The following MTR variants were observed in gnomAD, a reference collection of about 807,000 sequenced individuals.
MTR encodes methionine synthase.
MTR carries 84 observed loss-of-function variants against 154.8 expected under a neutral mutation model. The observed-to-expected ratio is 0.54, with a 90% confidence interval of 0.45 to 0.65. The LOEUF (loss-of-function observed/expected upper bound fraction) is 0.65. MTR is among the 30% of genes least tolerant of loss of function. The pLI is 0.00. For missense variants in MTR, 1,275 were observed against 1,570.2 expected, an observed-to-expected ratio of 0.81 and a Z score of 3.18; for synonymous variants, 554 against 553.9, an observed-to-expected ratio of 1.00 and a Z score of 0.00.
intron 10 of MTR, among the ~76,000 whole-genome samples, chr1:236,826,487 G>T (rs183350548): frequency 5.6e-4 from 85 of 152,222 alleles, no homozygotes; most frequent in Non-Finnish European, 9.7e-4. Context: ...GTAGAGATGA[G>T]GTCTTGCTAT....
At chr1:236,839,347 A>G (rs1663096654) in intron 15 of MTR, among the ~76,000 whole-genome samples, 1 of 151,736 alleles carries the variant, frequency 6.6e-6, no homozygotes, top group East Asian at 1.9e-4. Context: ...ACCCCAGTCA[A>G]CCCAGTAGGA....
At chr1:236,872,668 A>T (rs947971057) in intron 22 of MTR, among the ~76,000 whole-genome samples, 1 of 152,150 alleles carries the variant, frequency 6.6e-6, no homozygotes, top group Non-Finnish European at 1.5e-5. Context: ...TAGTGCTTTC[A>T]TGATAGAGTT....
intron 22 of MTR, among the ~76,000 whole-genome samples, chr1:236,867,903 G>A (rs1352188625): frequency 6.6e-6 from 1 of 152,218 alleles, no homozygotes; most frequent in Non-Finnish European, 1.5e-5. Context: ...GAGCAAGGCT[G>A]AGCAAAGAAA....
In MTR at chr1:236,897,973, C is replaced by T; in HGVS notation, c.*329C>T. 3.4e-6 allele frequency: 1 copy of T among 298,368 alleles called. No homozygotes were observed. The highest frequency in any genetic ancestry group is 6.3e-6 in the Non-Finnish European group (1 of 159,616). The allele number at this position is 298,368 out of a possible 1,614,324, so 18.5% of individuals were successfully genotyped here. ...GTCAACCTGCTTTTTTCTGTTTTTA[C>T]AGTGGAATCTAGGAGGCCACTTAGT... is the stretch of plus-strand genomic sequence containing the variant. On this transcript the variant is annotated 3_prime_UTR_variant, in exon 33 of 33. Transcript: ENST00000366577.
intron 8 of MTR, among the ~76,000 whole-genome samples, chr1:236,823,907 G>A (rs1044615906): frequency 4.2e-5 from 6 of 141,790 alleles, no homozygotes; most frequent in Admixed American, 7.5e-5. Flanking sequence ...CACAGGCAGC[G>A]TCTTTCAGCT....
At chr1:236,801,425 A>G (rs1333295149) in intron 1 of MTR, among the ~76,000 whole-genome samples, 1 of 152,162 alleles carries the variant, frequency 6.6e-6, no homozygotes, top group East Asian at 1.9e-4. Flanking sequence ...GGAGAAAGTC[A>G]CTCAAAATAG....
rs1666920404 is a variant in MTR at position 236,901,628 on chromosome 1, C to T, written c.*3984C>T. On this transcript the variant is annotated 3_prime_UTR_variant, in exon 33 of 33. Transcript: ENST00000366577. ...TCTTACAGTTCAGGAGTCTGGAAGT[C>T]CAAGATCATGGTGCCATCATGGCCG... is the stretch of plus-strand genomic sequence containing the variant. The T allele has an allele frequency of 6.6e-6, 1 of 152,162 alleles. No individual in the cohort carries two copies. Among genetic ancestry groups the T allele is most frequent in the Admixed American group, 6.5e-5 (1 of 15,280 alleles). 9.4% of individuals were successfully genotyped at this position (152,162 alleles called of 1,614,324 possible). A position where few individuals can be genotyped will look rare whatever the true frequency, so the allele number is the denominator to read the frequency against.
At position 236,835,605 on chromosome 1, in the gene MTR, A is replaced by C; in HGVS notation, c.1247A>C (p.Asn416Thr). 6 of 1,611,088 alleles carry C rather than the reference A, an allele frequency of 3.7e-6. No homozygotes were observed. Among genetic ancestry groups the C allele is most frequent in the Non-Finnish European group, 5.1e-6 (6 of 1,179,466 alleles). Reference protein sequence around the residue: ...VEMGAQVLDVNMDDGMLDGPS... With the variant: ...VEMGAQVLDVTMDDGMLDGPS... ...ATGGGAGCCCAGGTGTTGGATGTCA[A>C]CATGGATGATGGCATGCTAGATGGT... is the stretch of plus-strand genomic sequence containing the variant. Residue 416 changes from asparagine to threonine, a missense_variant, in exon 14 of 33, where the codon AAC (asparagine) becomes ACC (threonine). By Grantham distance (65) the Asn-to-Thr change is moderately conservative (BLOSUM62 0). Transcript: ENST00000366577.
At chr1:236,816,049 G>A (rs74146639) in intron 7 of MTR, among the ~76,000 whole-genome samples, 4,202 of 152,246 alleles carry the variant, frequency 0.028, 211 homozygotes, top group African/African-American at 0.094. Flanking sequence ...ACCTCTCTGC[G>A]AGTCCTAAAA....
intron 15 of MTR, among the ~76,000 whole-genome samples, chr1:236,848,469 G>A (rs765248226): frequency 6.6e-6 from 1 of 152,138 alleles, no homozygotes; most frequent in Non-Finnish European, 1.5e-5. Context: ...TGGGCTGTCT[G>A]GTGAAGGGTA....
intron 27 of MTR, 64 bp downstream of exon 27, chr1:236,886,431 C>G (rs1430682845): frequency 6.7e-7 from 1 of 1,488,140 alleles, no homozygotes; most frequent in Non-Finnish European, 9.4e-7. Context: ...TGAGGAAATA[C>G]ATGCATTTAC....
intron 22 of MTR, among the ~76,000 whole-genome samples, chr1:236,867,885 T>G (rs12087359): frequency 4.2e-4 from 64 of 152,332 alleles, no homozygotes; most frequent in African/African-American, 1.5e-3. Flanking sequence ...GAATTGCTTC[T>G]TACGGCTGAG....
At chr1:236,883,717 T>C (rs1043344819) in intron 25 of MTR, among the ~76,000 whole-genome samples, 1 of 152,190 alleles carries the variant, frequency 6.6e-6, no homozygotes, top group Non-Finnish European at 1.5e-5. Context: ...CGATGGCCTT[T>C]TCTGATTGTA....
At chr1:236,804,069 T>C (rs1243882318) in intron 2 of MTR, among the ~76,000 whole-genome samples, 1 of 152,214 alleles carries the variant, frequency 6.6e-6, no homozygotes, top group Non-Finnish European at 1.5e-5. Context: ...TTCTGGAAGC[T>C]GGAAGTCCAC....
intron 24 of MTR, among the ~76,000 whole-genome samples, chr1:236,878,259 G>C (rs1000923731): frequency 6.6e-6 from 1 of 152,120 alleles, no homozygotes; most frequent in South Asian, 2.1e-4. Flanking sequence ...TCCTAGGAGA[G>C]CCACCTTTGC....
rs1422252010 is a variant in MTR at position 236,899,970 on chromosome 1, A to T, written c.*2326A>T. ...TGTAGGGACTTGTACAACATTGTGG[A>T]TGTGTAAACAGGCACCACTGCTTTA... On this transcript the variant is annotated 3_prime_UTR_variant, in exon 33 of 33. Transcript: ENST00000366577. The T allele has an allele frequency of 5.0e-6, 1 of 200,490 alleles. No homozygotes were observed. The highest frequency in any genetic ancestry group is 1.1e-5 in the Non-Finnish European group (1 of 94,856). The allele number at this position is 200,490 out of a possible 1,614,324, so 12.4% of individuals were successfully genotyped here. A position where few individuals can be genotyped will look rare whatever the true frequency, so the allele number is the denominator to read the frequency against.
intron 8 of MTR, among the ~76,000 whole-genome samples, chr1:236,823,893 C>T (rs1013355964): frequency 7.4e-6 from 1 of 135,794 alleles, no homozygotes; most frequent in East Asian, 2.4e-4. Flanking sequence ...TTGAGGAGTC[C>T]ACCCACAGGC....
At chr1:236,864,877 C>T (rs959529736) in intron 22 of MTR, among the ~76,000 whole-genome samples, 1 of 152,200 alleles carries the variant, frequency 6.6e-6, no homozygotes, top group African/African-American at 2.4e-5. Flanking sequence ...AAAAAGTTTA[C>T]TGTTTCTCAG....
At chr1:236,798,216 C>G (rs1470290515) in intron 1 of MTR, among the ~76,000 whole-genome samples, 1 of 152,162 alleles carries the variant, frequency 6.6e-6, no homozygotes, top group East Asian at 1.9e-4. Flanking sequence ...AAAGAGGGGT[C>G]CTAAGTAAGT....
Sources: gnomAD v4.1 joint callset for allele counts (sites outside exome capture counted in the v4.1 genomes callset) on GRCh38, gnomAD v4.1.1 for gene constraint, MANE v1.5 for transcripts, NCBI Gene and HGNC (gene_info 2026-07-23, HGNC 2026-07-21) for gene names.